The following UCP1 variants were observed in gnomAD, a reference collection of about 807,000 sequenced individuals.
UCP1 encodes uncoupling protein 1.
UCP1 carries 24 observed loss-of-function variants against 26.2 expected under a neutral mutation model. The ratio of observed to expected loss-of-function variants is 0.92; its 90% CI spans 0.66 to 1.29. The LOEUF (loss-of-function observed/expected upper bound fraction) is 1.29. Ranked by LOEUF, UCP1 falls within the 50% of genes most tolerant of loss-of-function variation. UCP1 has a pLI of 0.00. For synonymous variants in UCP1, 164 were observed against 156.8 expected (o/e 1.05, Z -0.34); for missense variants, 402 against 388.7 (o/e 1.03, Z -0.29).
At chr4:140,561,645 A>G (rs1177892856) in intron 5 of UCP1, among the ~76,000 whole-genome samples, 1 of 152,310 alleles carries the variant, frequency 6.6e-6, no homozygotes, top group East Asian at 1.9e-4. Flanking sequence ...AGCCCATACT[A>G]TATTTTCTTA....
chr4:140,559,737 A>T lies in UCP1; in HGVS notation c.*159T>A. 1.5e-6 allele frequency: 1 copy of T among 667,872 alleles called. No individual in the cohort carries two copies. Among genetic ancestry groups the T allele is most frequent in the Non-Finnish European group, 2.6e-6 (1 of 391,700 alleles). The allele number at this position is 667,872 out of a possible 1,614,324, so 41.4% of individuals were successfully genotyped here. A position where few individuals can be genotyped will look rare whatever the true frequency, so the allele number is the denominator to read the frequency against. On this transcript the variant is annotated 3_prime_UTR_variant, in exon 6 of 6. Coordinates refer to ENST00000262999, the MANE Select transcript of UCP1 (RefSeq NM_021833.5). ...AGAAAAAAAAAAAGTTATATGAAAT[A>T]GGCATTAATTTTCCTCTTTTTTATA...
chr4:140,568,648 C>G lies in UCP1; in HGVS notation c.82G>C (p.Asp28His), dbSNP rs780622741. 2 of 1,612,408 alleles carry G rather than the reference C, an allele frequency of 1.2e-6. No homozygotes were observed. Among genetic ancestry groups the G allele is most frequent in the Non-Finnish European group, 1.7e-6 (2 of 1,179,570 alleles). Residue 28 changes from aspartate (D) to histidine (H), a missense_variant, in exon 1 of 6, where the codon GAC becomes CAC. Transcript: ENST00000262999. Reference protein sequence around the residue: ...FSAGIAACLADVITFPLDTAK... With the variant: ...FSAGIAACLAHVITFPLDTAK... ...GTGTCCAGCGGGAAGGTGATCACGTCCGCCAAGCACGCCGCTATTCCAGCT... is the reference window on the plus strand; with the variant it reads ...GTGTCCAGCGGGAAGGTGATCACGTGCGCCAAGCACGCCGCTATTCCAGCT...
In UCP1 at chr4:140,563,224, AAAAAG is replaced by A; in HGVS notation, c.527-18_527-14del. 1.2e-6 allele frequency: 2 copies of A among 1,613,228 alleles called. No homozygotes were observed. The highest frequency in any genetic ancestry group is 1.7e-6 in the Non-Finnish European group (2 of 1,179,664). On this transcript the variant is annotated splice_polypyrimidine_tract_variant and intron_variant, in intron 3 of 5. Coordinates refer to ENST00000262999, the MANE Select transcript of UCP1 (RefSeq NM_021833.5). ...TTGGGAGTAGTCCCTGGGGAAAAAA[AAAAAG>A]AAAATGTTTATTAACTCTACTTTAC...
In UCP1 at chr4:140,562,474, TGA is replaced by T. The variant is rs1343462919; in HGVS notation, c.629-103_629-102del. ...AAACCTATTGATAACAGTAGGTCAA[TGA>T]AGATGTCTTATAAATAAATAAAATA... On this transcript the variant is annotated intron_variant, in intron 4 of 5. Transcript: ENST00000262999. The T allele has an allele frequency of 3.5e-6, 4 of 1,157,560 alleles. No individual in the cohort carries two copies. The African/African-American group carries it at 6.2e-5, about 18-fold the overall frequency. 71.7% of individuals were successfully genotyped at this position (1,157,560 alleles called of 1,614,324 possible).
chr4:140,560,683 C>A (rs1735656837), intron 5 of UCP1, among the ~76,000 whole-genome samples: 1 of 151,700 alleles, frequency 6.6e-6, no homozygotes, highest in Non-Finnish European at 1.5e-5. Flanking sequence ...CCCTCTGCCC[C>A]AATTTTTTTC....
chr4:140,563,980 G>A (rs12502572), intron 2 of UCP1, among the ~76,000 whole-genome samples: 67,755 of 151,970 alleles, frequency 0.45, 17,040 homozygotes, highest in African/African-American at 0.69. Context: ...CTAAATGTGC[G>A]TCAACTCAGA....
In UCP1 at chr4:140,568,661, C is replaced by G; in HGVS notation, c.69G>C (p.Ala23=). The change falls in exon 1 of 6, where the codon GCG becomes GCC. Residue 23 remains alanine (A), a synonymous_variant. Transcript: ENST00000262999. ...LGVQLFSAGI[A]ACLADVITFP... Reference sequence around the variant, plus strand: ...AGGTGATCACGTCCGCCAAGCACGCCGCTATTCCAGCTGAGAAGAGCTGGA... The same window carrying G: ...AGGTGATCACGTCCGCCAAGCACGCGGCTATTCCAGCTGAGAAGAGCTGGA... 6.2e-7 allele frequency: 1 copy of G among 1,611,532 alleles called. No individual in the cohort carries two copies. The highest frequency in any genetic ancestry group is 1.1e-5 in the South Asian group (1 of 90,166).
intron 5 of UCP1, 39 bp from the exon 6 acceptor site, chr4:140,560,049 A>ATT (rs371463243): frequency 3.2e-4 from 398 of 1,252,754 alleles, no homozygotes; most frequent in African/African-American, 3.8e-4. Context: ...AATTTGTTTG[A>ATT]TTTTTTTTTT....
At chr4:140,567,629 C>T in intron 2 of UCP1, 150 bp downstream of exon 2, 1 of 1,027,216 alleles carries the variant, frequency 9.7e-7, no homozygotes, top group South Asian at 1.4e-5. Context: ...TTTCTATGAA[C>T]AATGAGCTAA....
At chr4:140,562,905 A>G (rs1484413377) in intron 4 of UCP1, among the ~76,000 whole-genome samples, 1 of 152,188 alleles carries the variant, frequency 6.6e-6, no homozygotes, top group Non-Finnish European at 1.5e-5. Context: ...TTTGTTGCAA[A>G]ATATTTTTGT....
At chr4:140,567,429 G>C (rs527512114) in intron 2 of UCP1, among the ~76,000 whole-genome samples, 2 of 152,248 alleles carry the variant, frequency 1.3e-5, no homozygotes, top group South Asian at 4.1e-4. Flanking sequence ...GGTAGTCCTC[G>C]TTTGGATTTC....
chr4:140,561,719 TTCTAGGTGA>T (rs1372161910), intron 5 of UCP1, among the ~76,000 whole-genome samples: 5 of 152,212 alleles, frequency 3.3e-5, no homozygotes, highest in Admixed American at 2.0e-4. Context: ...CAACACTTGT[TTCTAGGTGA>T]GTGTAATAAT....
chr4:140,568,468 C>T, intron 1 of UCP1, 136 bp downstream of exon 1: 1 of 1,448,136 alleles, frequency 6.9e-7, no homozygotes, highest in Non-Finnish European at 9.4e-7. Context: ...AGCCCTGGGA[C>T]AAGGCCAGAC....
intron 2 of UCP1, among the ~76,000 whole-genome samples, chr4:140,565,435 A>G (rs983164781): frequency 6.6e-6 from 1 of 152,144 alleles, no homozygotes; most frequent in Non-Finnish European, 1.5e-5. Flanking sequence ...CTCCTTTTAC[A>G]TATATACTCT....
chr4:140,566,919 G>C (rs904975712), intron 2 of UCP1, among the ~76,000 whole-genome samples: 6 of 152,328 alleles, frequency 3.9e-5, no homozygotes, highest in African/African-American at 1.4e-4. Context: ...CCTGGAGTCC[G>C]AGGCCAGACT....
At chr4:140,564,511 C>G (rs1381374717) in intron 2 of UCP1, among the ~76,000 whole-genome samples, 1 of 151,994 alleles carries the variant, frequency 6.6e-6, no homozygotes, top group Non-Finnish European at 1.5e-5. Context: ...CCTAATTTGT[C>G]AAAAAGGGAT....
In UCP1 at chr4:140,562,139, C is replaced by T. The variant is rs1735688643; in HGVS notation, c.809+54G>A. 38 of 1,605,816 alleles carry T rather than the reference C, an allele frequency of 2.4e-5. No homozygotes were observed. The South Asian group carries it at 3.7e-4, about 16-fold the overall frequency. On this transcript the variant is annotated intron_variant, in intron 5 of 5. Transcript: ENST00000262999. ...GTCGGTTGCTTGACATGAGAGTGTC[C>T]CAAAGCACACAGACAGCCAGAACAC...
At position 140,563,116 on chromosome 4, in the gene UCP1, AT is replaced by A; in HGVS notation, c.621del (p.Leu208Ter). 6.2e-6 allele frequency: 10 copies of A among 1,613,140 alleles called. No homozygotes were observed. Among genetic ancestry groups the A allele is most frequent in the Non-Finnish European group, 8.5e-6 (10 of 1,179,308 alleles). The part of the protein sequence containing the change: ...LMKEAFVKNN[I>X]LADDVPCHLV... The stretch of plus-strand genomic sequence containing the variant: ...ATATGAAATGGGAAGTTACCTGCTA[AT>A]ATGTTGTTTTTCACAAAGGCCTCCT... On this transcript the variant is annotated frameshift_variant, in exon 4 of 6. Coordinates refer to ENST00000262999, the MANE Select transcript of UCP1 (RefSeq NM_021833.5). LOFTEE classifies it high-confidence loss of function.
chr4:140,560,590 G>A (rs997017493), intron 5 of UCP1, among the ~76,000 whole-genome samples: 4 of 152,092 alleles, frequency 2.6e-5, no homozygotes, highest in Admixed American at 2.0e-4. Flanking sequence ...AGAAATCAGT[G>A]CTGTCTCAAT....
Sources: allele counts gnomAD v4.1 joint callset (sites outside exome capture counted in the v4.1 genomes callset), GRCh38; gene constraint gnomAD v4.1.1; transcripts MANE v1.5; gene names NCBI Gene and HGNC (gene_info 2026-07-23, HGNC 2026-07-21).